The following NCAPG2 variants were observed in gnomAD, a reference collection of about 807,000 sequenced individuals.
NCAPG2 encodes the protein non-SMC condensin II complex subunit G2.
NCAPG2 carries 53 observed loss-of-function variants against 141.1 expected under a neutral mutation model. The observed-to-expected ratio is 0.38, with a 90% CI of 0.30 to 0.47. The LOEUF is 0.47. NCAPG2 is among the 20% of genes least tolerant of loss of function. The pLI is 0.99. For missense variants in NCAPG2, 1,087 were observed against 1,389.0 expected (o/e 0.78, Z 3.46); for synonymous variants, 499 against 490.7 (o/e 1.02, Z -0.22).
chr7:158,700,484 A>C (rs182149781), intron 2 of NCAPG2, among the ~76,000 whole-genome samples: 3 of 152,296 alleles, frequency 2.0e-5, no homozygotes, highest in African/African-American at 2.4e-5. Flanking sequence ...TTGCAACAAC[A>C]ATCTTTTAGA....
chr7:158,648,577 G>C (rs78431000), intron 24 of NCAPG2, among the ~76,000 whole-genome samples: 10 of 62,032 alleles, frequency 1.6e-4, no homozygotes, highest in South Asian at 6.8e-4. Flanking sequence ...CCAAATGGAC[G>C]ACAACCACGC....
intron 27 of NCAPG2, chr7:158,639,813 C>G: frequency 1.0e-6 from 1 of 964,656 alleles, no homozygotes; most frequent in Non-Finnish European, 1.2e-6. Context: ...CAACCAACAA[C>G]CATTTAATCT....
chr7:158,653,370 A>T (rs1185885629), intron 22 of NCAPG2, among the ~76,000 whole-genome samples: 41 of 91,426 alleles, frequency 4.5e-4, no homozygotes, highest in African/African-American at 1.4e-3. Flanking sequence ...GTCTCAAAAA[A>T]AAAAAAATAA....
chr7:158,669,452 C>T (rs935477220), intron 13 of NCAPG2, among the ~76,000 whole-genome samples: 4 of 152,070 alleles, frequency 2.6e-5, no homozygotes, highest in Non-Finnish European at 5.9e-5. Flanking sequence ...AAAATTGCAG[C>T]CAGTATTTTT....
intron 8 of NCAPG2, 79 bp from the exon 9 acceptor site, chr7:158,683,465 G>C: frequency 1.1e-6 from 1 of 924,140 alleles, no homozygotes; most frequent in Non-Finnish European, 1.6e-6. Flanking sequence ...CGGCATTTGA[G>C]TACAAAGAGT....
intron 16 of NCAPG2, among the ~76,000 whole-genome samples, chr7:158,659,291 T>C (rs1378375104): frequency 7.2e-6 from 1 of 137,966 alleles, no homozygotes; most frequent in Non-Finnish European, 1.5e-5. Context: ...ATTGTGCCAC[T>C]GCACTCCAGC....
intron 27 of NCAPG2, among the ~76,000 whole-genome samples, chr7:158,636,015 A>G (rs1243716709): frequency 6.6e-6 from 1 of 152,164 alleles, no homozygotes; most frequent in Non-Finnish European, 1.5e-5. Flanking sequence ...TGCTTCTTGC[A>G]TATTTAAGTA....
In NCAPG2 at chr7:158,656,615, C is replaced by T; in HGVS notation, c.2151G>A (p.Gly717=). 1.2e-6 allele frequency: 2 copies of T among 1,614,110 alleles called. No individual in the cohort carries two copies. Among genetic ancestry groups the T allele is most frequent in the Non-Finnish European group, 1.7e-6 (2 of 1,180,032 alleles). ...CAAGCTCCAGAATGTGCCCCACCTG[C>T]CCCCAGGAGCAGAGGCAATCCAACA... ...CTLLDCLCSW[G]QVGHILELVD... Residue 717 remains glycine, a synonymous_variant, in exon 18 of 28, where the codon GGG becomes GGA. Transcript: ENST00000356309.
intron 6 of NCAPG2, among the ~76,000 whole-genome samples, chr7:158,688,555 C>G (rs558729408): frequency 1.3e-5 from 2 of 152,202 alleles, no homozygotes; most frequent in Non-Finnish European, 2.9e-5. Flanking sequence ...TTTGTAATAA[C>G]GATGGTGCTG....
At chr7:158,677,969 C>T (rs1834200594) in intron 11 of NCAPG2, among the ~76,000 whole-genome samples, 2 of 152,018 alleles carry the variant, frequency 1.3e-5, no homozygotes, top group South Asian at 2.1e-4. Flanking sequence ...CACCACAGTG[C>T]CCAGCTGATT....
chr7:158,658,293 A>G lies in NCAPG2; in HGVS notation c.2060+45T>C, dbSNP rs755357224. The G allele has an allele frequency of 4.6e-6, 7 of 1,526,976 alleles. No homozygotes were observed. In the South Asian group the frequency reaches 8.4e-5, roughly 18 times the overall value. The allele number at this position is 1,526,976 out of a possible 1,614,324, so 94.6% of individuals were successfully genotyped here. A position where few individuals can be genotyped will look rare whatever the true frequency, so the allele number is the denominator to read the frequency against. ...AATTAATAATTCAGCACAACAATGG[A>G]CAGGATTCCTACTTTTCTACCGTAC... On this transcript the variant is annotated intron_variant, in intron 17 of 27. Transcript: ENST00000356309.
intron 4 of NCAPG2, among the ~76,000 whole-genome samples, chr7:158,691,739 T>C (rs1041762576): frequency 1.3e-5 from 2 of 152,236 alleles, no homozygotes; most frequent in Admixed American, 1.3e-4. Flanking sequence ...AGTACCATCA[T>C]TTAAATTTCA....
At chr7:158,671,722 C>A in intron 12 of NCAPG2, 56 bp from the exon 13 acceptor site, 1 of 1,580,106 alleles carries the variant, frequency 6.3e-7, no homozygotes, top group South Asian at 1.1e-5. Flanking sequence ...ATGAAAGGTT[C>A]AGGTAGGAAA....
At position 158,631,562 on chromosome 7, in the gene NCAPG2, C is replaced by G. The variant is rs982245940; in HGVS notation, c.*104G>C. On this transcript the variant is annotated 3_prime_UTR_variant, in exon 28 of 28. Coordinates refer to ENST00000356309, the MANE Select transcript of NCAPG2 (RefSeq NM_017760.7). ...TCCCACAAAAAAATCCCACCCTTTCCCTATTATATGGGTTATTAACATTAA... is the reference window on the plus strand; with the variant it reads ...TCCCACAAAAAAATCCCACCCTTTCGCTATTATATGGGTTATTAACATTAA... 3.6e-6 allele frequency: 4 copies of G among 1,098,062 alleles called. No homozygotes were observed. The South Asian group carries it at 4.1e-5, about 11-fold the overall frequency. The allele number at this position is 1,098,062 out of a possible 1,614,324, so 68.0% of individuals were successfully genotyped here. A position where few individuals can be genotyped will look rare whatever the true frequency, so the allele number is the denominator to read the frequency against.
At chr7:158,635,030 C>G (rs375613476) in intron 27 of NCAPG2, among the ~76,000 whole-genome samples, 1 of 152,166 alleles carries the variant, frequency 6.6e-6, no homozygotes, top group Admixed American at 6.5e-5. Flanking sequence ...AACTTCGCCA[C>G]CTTTCCTTCT....
chr7:158,693,456 A>T lies in NCAPG2; in HGVS notation c.120T>A (p.Asp40Glu). 1 of 1,613,946 alleles carries T rather than the reference A, an allele frequency of 6.2e-7. No homozygotes were observed. Residue 40 changes from aspartate (D) to glutamate (E), a missense_variant, in exon 3 of 28, where the codon GAT (aspartate) becomes GAA (glutamate). Physicochemically the swap from Asp to Glu is conservative, Grantham distance 45. Transcript: ENST00000356309. ...CTTCTTTCTGTTTCCTTGATAATTC[A>T]TCTAGTAATTCATTTAGGCTGAAAG... ...SDPFSLNELL[D>E]ELSRKQKEEL...
Position 158,680,752 on chromosome 7 carries a change from A to G in NCAPG2, c.989T>C (p.Leu330Ser). Residue 330 changes from leucine to serine, a missense_variant, in exon 10 of 28, where the codon TTA (leucine) becomes TCA (serine). Transcript: ENST00000356309. ...RQGVEEMLYR[L>S]YKPILWRGLK... Reference sequence around the variant, plus strand: ...TCCTCTCCAAAGGATGGGCTTATATAATCTATAAAGCATCTCTTCCACTCC... The same window carrying G: ...TCCTCTCCAAAGGATGGGCTTATATGATCTATAAAGCATCTCTTCCACTCC... 6.2e-7 allele frequency: 1 copy of G among 1,602,560 alleles called. No individual in the cohort carries two copies. Among genetic ancestry groups the G allele is most frequent in the Non-Finnish European group, 8.5e-7 (1 of 1,173,428 alleles).
intron 22 of NCAPG2, among the ~76,000 whole-genome samples, chr7:158,653,688 C>A (rs1401853052): frequency 6.6e-6 from 1 of 152,084 alleles, no homozygotes; most frequent in Non-Finnish European, 1.5e-5. Flanking sequence ...AATTGGACAA[C>A]CAACTTAATC....
rs61752019 is a variant in NCAPG2, at chr7:158,671,603, G to A, written c.1390C>T (p.Leu464Phe). 2.7e-3 allele frequency: 4,407 copies of A among 1,614,196 alleles called. 8 individuals are homozygous for A. Among genetic ancestry groups the A allele is most frequent in the Non-Finnish European group, 3.2e-3 (3,776 of 1,180,024 alleles). ...GAATTGTCGTGGAGACTGTATCTGAGAGCTGGAAGGAGCTGCTCTAACAAT... is the reference window on the plus strand; with the variant it reads ...GAATTGTCGTGGAGACTGTATCTGAAAGCTGGAAGGAGCTGCTCTAACAAT... The part of the protein sequence containing the change: ...HPLLEQLLPA[L>F]RYSLHDNSEK... Residue 464 changes from leucine (L) to phenylalanine (F), a missense_variant, in exon 13 of 28, where the codon CTC becomes TTC. Physicochemically the swap from Leu to Phe is conservative, Grantham distance 22. Coordinates refer to ENST00000356309, the MANE Select transcript of NCAPG2 (RefSeq NM_017760.7).
Sources: gnomAD v4.1 joint callset for allele counts (sites outside exome capture counted in the v4.1 genomes callset) on GRCh38, gnomAD v4.1.1 for gene constraint, MANE v1.5 for transcripts, NCBI Gene and HGNC (gene_info 2026-07-23, HGNC 2026-07-21) for gene names.